The following FRMD4B variants were observed in gnomAD, a reference collection of about 807,000 sequenced individuals.
FRMD4B encodes FERM domain-containing protein 4B.
FRMD4B carries 74 observed loss-of-function variants against 141.5 expected under a neutral mutation model. The ratio of observed to expected loss-of-function variants is 0.52; its 90% CI spans 0.43 to 0.63. The LOEUF is 0.63. FRMD4B is among the 30% of genes least tolerant of loss of function. The pLI, the probability that FRMD4B is intolerant of heterozygous loss-of-function variation, is 0.00. For missense variants in FRMD4B, 1,366 were observed against 1,253.4 expected (o/e 1.09, Z -1.36); for synonymous variants, 506 against 467.9 (o/e 1.08, Z -1.05).
chr3:69,180,455 G>C (rs1030938683), intron 21 of FRMD4B, among the ~76,000 whole-genome samples: 1 of 151,696 alleles, frequency 6.6e-6, no homozygotes, highest in Non-Finnish European at 1.5e-5. Flanking sequence ...CTTACCTGAG[G>C]GTTTATTCTT....
At chr3:69,248,998 T>G (rs1162335552) in intron 7 of FRMD4B, among the ~76,000 whole-genome samples, 1 of 152,214 alleles carries the variant, frequency 6.6e-6, no homozygotes, top group Non-Finnish European at 1.5e-5. Context: ...TTTGGAGAGC[T>G]TCTGGTTCCA....
chr3:69,291,157 G>A (rs78768569), intron 4 of FRMD4B, among the ~76,000 whole-genome samples: 4,401 of 152,232 alleles, frequency 0.029, 110 homozygotes, highest in East Asian at 0.11. Flanking sequence ...CAGAGGAAGA[G>A]ATCTCCCTGC....
At chr3:69,245,617 G>A (rs549288797) in intron 7 of FRMD4B, among the ~76,000 whole-genome samples, 1 of 151,824 alleles carries the variant, frequency 6.6e-6, no homozygotes, top group Non-Finnish European at 1.5e-5. Flanking sequence ...AAAATGCTGG[G>A]ATTACAGAAG....
intron 1 of FRMD4B, among the ~76,000 whole-genome samples, chr3:69,356,412 A>G (rs1304593138): frequency 2.6e-5 from 4 of 152,054 alleles, no homozygotes; most frequent in African/African-American, 4.8e-5. Context: ...CCCAGCCTAC[A>G]TCTTTCTCTC....
At chr3:69,431,586 T>C (rs1333466539) in intron 2 of FRMD4B, among the ~76,000 whole-genome samples, 1 of 152,252 alleles carries the variant, frequency 6.6e-6, no homozygotes, top group African/African-American at 2.4e-5. Context: ...TTGCCTATAT[T>C]GACTCATTTC....
intron 5 of FRMD4B, among the ~76,000 whole-genome samples, chr3:69,258,697 A>AC (rs2093507683): frequency 6.6e-6 from 1 of 152,120 alleles, no homozygotes; most frequent in Non-Finnish European, 1.5e-5. Flanking sequence ...CATTACTAAT[A>AC]TTATTAACTC....
chr3:69,180,400 T>C (rs903715499), intron 21 of FRMD4B, among the ~76,000 whole-genome samples: 6 of 152,112 alleles, frequency 3.9e-5, no homozygotes, highest in Non-Finnish European at 2.9e-5. Context: ...AGATGATCAA[T>C]CTTGGTGGTG....
At chr3:69,195,452 C>T in intron 14 of FRMD4B, 88 bp from the exon 15 acceptor site, 3 of 1,006,322 alleles carry the variant, frequency 3.0e-6, no homozygotes, top group Non-Finnish European at 4.3e-6. Context: ...GCTAAAGCTG[C>T]TATTAAATGG....
At chr3:69,249,805 T>C (rs960698693) in intron 6 of FRMD4B, among the ~76,000 whole-genome samples, 1 of 152,218 alleles carries the variant, frequency 6.6e-6, no homozygotes, top group East Asian at 1.9e-4. Flanking sequence ...TGGGTTTAAT[T>C]CTTCTCCTTC....
intron 1 of FRMD4B, among the ~76,000 whole-genome samples, chr3:69,465,559 G>A (rs1705769594): frequency 6.9e-6 from 1 of 144,710 alleles, no homozygotes. Flanking sequence ...GCCCCCGACA[G>A]GCCCCGGTGT....
intron 1 of FRMD4B, among the ~76,000 whole-genome samples, chr3:69,540,297 T>C (rs1282139010): frequency 6.6e-6 from 1 of 151,926 alleles, no homozygotes; most frequent in Non-Finnish European, 1.5e-5. Flanking sequence ...CAATCTCTCT[T>C]AAATATCATC....
At position 69,180,945 on chromosome 3, in the gene FRMD4B, C is replaced by G. The variant is rs1441266598; in HGVS notation, c.2805G>C (p.Leu935=). The G allele has an allele frequency of 4.3e-6, 7 of 1,612,604 alleles. No individual in the cohort carries two copies. In the South Asian group the frequency reaches 6.6e-5, roughly 15 times the overall value. The change falls in exon 21 of 23, where the codon CTG becomes CTC. Residue 935 remains leucine, a synonymous_variant. Transcript: ENST00000398540. ...GACTGCTTGGAGAACAAGGTACTTG[C>G]AGCCCCGCAAACCCCAGGCATCTCT... ...GSQRCLGFAG[L]QVPCSPSSRA...
At chr3:69,533,238 C>T (rs188674481) in intron 1 of FRMD4B, among the ~76,000 whole-genome samples, 63 of 152,330 alleles carry the variant, frequency 4.1e-4, no homozygotes, top group Non-Finnish European at 6.9e-4. Context: ...TTCTGTGAGG[C>T]AGGCTCTTGG....
intron 1 of FRMD4B, chr3:69,535,821 C>T: frequency 2.1e-6 from 1 of 473,642 alleles, no homozygotes; most frequent in East Asian, 6.9e-5. Flanking sequence ...TGTTTGGCCC[C>T]TGGGCAGCTG....
chr3:69,348,637 T>C (rs1371200423), intron 1 of FRMD4B, among the ~76,000 whole-genome samples: 1 of 152,160 alleles, frequency 6.6e-6, no homozygotes, highest in Non-Finnish European at 1.5e-5. Context: ...TTATCCACCA[T>C]GATCAAGTGG....
chr3:69,175,859 C>T lies in FRMD4B; in HGVS notation c.2984+665G>A, dbSNP rs148736533. 7.1e-3 allele frequency among the ~76,000 whole-genome samples: 1,057 copies of T among 149,856 alleles called. 14 individuals are homozygous for T. Among genetic ancestry groups the T allele is most frequent in the African/African-American group, 0.025 (1,001 of 40,436 alleles). On this transcript the variant is annotated intron_variant, in intron 22 of 22. Coordinates refer to ENST00000398540, the MANE Select transcript of FRMD4B (RefSeq NM_015123.3). ...GCAGTGGCGCGATCTGGGCTCACTG[C>T]AAGCTCTGCCTCTGGGGTTCACGCC...
intron 4 of FRMD4B, among the ~76,000 whole-genome samples, chr3:69,301,665 A>G (rs916238416): frequency 6.6e-6 from 1 of 152,182 alleles, no homozygotes; most frequent in East Asian, 1.9e-4. Flanking sequence ...TTATCTTAGA[A>G]TGTGAACTAA....
chr3:69,485,353 T>A (rs1323018326), intron 1 of FRMD4B, among the ~76,000 whole-genome samples: 1 of 152,140 alleles, frequency 6.6e-6, no homozygotes, highest in Non-Finnish European at 1.5e-5. Context: ...GATGCCTGGA[T>A]CTACAGCCCC....
At chr3:69,263,182 G>A (rs1455867414) in intron 5 of FRMD4B, among the ~76,000 whole-genome samples, 1 of 152,078 alleles carries the variant, frequency 6.6e-6, no homozygotes, top group East Asian at 1.9e-4. Context: ...GCTTGAACCC[G>A]GGAGGTGGAG....
Sources: allele counts gnomAD v4.1 joint callset (sites outside exome capture counted in the v4.1 genomes callset), GRCh38; gene constraint gnomAD v4.1.1; transcripts MANE v1.5; gene names NCBI Gene and HGNC (gene_info 2026-07-23, HGNC 2026-07-21).